UBE2K: variants seen among roughly 807,000 people sequenced by gnomAD.
UBE2K encodes ubiquitin conjugating enzyme E2 K.
UBE2K carries 6 observed loss-of-function variants against 30.0 expected under a neutral mutation model. The ratio of observed to expected loss-of-function variants is 0.20; its 90% CI spans 0.11 to 0.39. The LOEUF is 0.39. UBE2K is among the 10% of genes least tolerant of loss of function. The pLI, the probability that UBE2K is intolerant of heterozygous loss-of-function variation, is 1.00. For synonymous variants in UBE2K, 86 were observed against 83.7 expected (o/e 1.03, Z -0.15); for missense variants, 61 against 241.6 (o/e 0.25, Z 4.96).
intron 1 of UBE2K, among the ~76,000 whole-genome samples, chr4:39,719,925 C>T (rs2109325556): frequency 6.6e-6 from 1 of 152,218 alleles, no homozygotes; most frequent in South Asian, 2.1e-4. Context: ...ACTGAGTGGT[C>T]ATTGAGTGTT....
At chr4:39,732,962 C>T (rs1359239590) in intron 1 of UBE2K, among the ~76,000 whole-genome samples, 5 of 147,412 alleles carry the variant, frequency 3.4e-5, no homozygotes, top group Non-Finnish European at 5.9e-5. Flanking sequence ...AGGGGTGAAA[C>T]ATCCTGCCTG....
In UBE2K at chr4:39,770,061, G is replaced by A. The variant is rs574141639; in HGVS notation, c.300-4773G>A. On this transcript the variant is annotated intron_variant, in intron 4 of 6. Transcript: ENST00000261427. ...ACCTAGCCCAGGGACCCCAGCCTCC[G>A]GGCCTCCACGCCTGCGCGGCTAGCG... 2.6e-6 allele frequency: 4 copies of A among 1,515,332 alleles called. No homozygotes were observed. In the Admixed American group the frequency reaches 5.9e-5, roughly 23 times the overall value. 93.9% of individuals were successfully genotyped at this position (1,515,332 alleles called of 1,614,324 possible).
chr4:39,755,250 C>G (rs1721467729), intron 3 of UBE2K, among the ~76,000 whole-genome samples: 1 of 152,184 alleles, frequency 6.6e-6, no homozygotes, highest in East Asian at 1.9e-4. Flanking sequence ...GTTTTACTTA[C>G]TTTTTTCCTC....
At chr4:39,714,548 A>AATTTTTTTTTTTTTTT in intron 1 of UBE2K, 1 of 24,676 alleles carries the variant, frequency 4.1e-5, no homozygotes, top group Non-Finnish European at 6.3e-5. Context: ...ATATATATAT[A>AATTTTTTTTTTTTTTT]TATTTTTTTT....
intron 1 of UBE2K, among the ~76,000 whole-genome samples, chr4:39,709,223 A>G (rs375937804): frequency 6.6e-6 from 1 of 152,040 alleles, no homozygotes; most frequent in Admixed American, 6.6e-5. Flanking sequence ...AGAATTAGCT[A>G]TGTTTTCATA....
At chr4:39,715,179 C>A (rs974529711) in intron 1 of UBE2K, among the ~76,000 whole-genome samples, 1 of 151,828 alleles carries the variant, frequency 6.6e-6, no homozygotes, top group South Asian at 2.1e-4. Flanking sequence ...GCGCCCGCCA[C>A]CACGCCCGGA....
intron 5 of UBE2K, among the ~76,000 whole-genome samples, chr4:39,776,100 A>G (rs1015338907): frequency 1.3e-5 from 2 of 152,222 alleles, no homozygotes; most frequent in Non-Finnish European, 2.9e-5. Flanking sequence ...AGGTGATGGT[A>G]TCATAGAATG....
intron 1 of UBE2K, among the ~76,000 whole-genome samples, chr4:39,733,427 A>T (rs1377752072): frequency 1.3e-5 from 2 of 148,442 alleles, no homozygotes; most frequent in Non-Finnish European, 3.0e-5. Flanking sequence ...CCACCTCCCA[A>T]GTTCAAGCCA....
At position 39,781,412 on chromosome 4, in the gene UBE2K, A is replaced by G. The variant is rs560783998; in HGVS notation, c.*2978A>G. The G allele has an allele frequency of 5.9e-5, 9 of 152,356 alleles. No homozygotes were observed. The highest frequency in any genetic ancestry group is 2.2e-4 in the African/African-American group (9 of 41,570). 9.4% of individuals were successfully genotyped at this position (152,356 alleles called of 1,614,324 possible). A position where few individuals can be genotyped will look rare whatever the true frequency, so the allele number is the denominator to read the frequency against. ...ATAATTCTTTTTAAGTATCTGTAAG[A>G]AAGAATTGGCAGTTTAAACGGATTT... On this transcript the variant is annotated 3_prime_UTR_variant, in exon 7 of 7. Coordinates refer to ENST00000261427, the MANE Select transcript of UBE2K (RefSeq NM_005339.5).
At chr4:39,727,167 T>C (rs1305357443) in intron 1 of UBE2K, among the ~76,000 whole-genome samples, 7 of 152,234 alleles carry the variant, frequency 4.6e-5, no homozygotes, top group Non-Finnish European at 8.8e-5. Context: ...TAGTTTACTT[T>C]CTAGTCCTTT....
chr4:39,740,727 A>G (rs1239706750), intron 2 of UBE2K, among the ~76,000 whole-genome samples: 11 of 130,392 alleles, frequency 8.4e-5, no homozygotes, highest in Non-Finnish European at 1.5e-4. Context: ...GCCAGGCGTG[A>G]TGGTGGGCGC....
chr4:39,721,859 C>T (rs1005417445), intron 1 of UBE2K, among the ~76,000 whole-genome samples: 2 of 152,016 alleles, frequency 1.3e-5, no homozygotes, highest in African/African-American at 4.8e-5. Context: ...GAGGCTGAGG[C>T]AGGAGGATAA....
At chr4:39,741,680 T>C (rs1720712064) in intron 2 of UBE2K, among the ~76,000 whole-genome samples, 2 of 152,324 alleles carry the variant, frequency 1.3e-5, no homozygotes, top group African/African-American at 4.8e-5. Context: ...TGGATGTTAC[T>C]TAACTCAATT....
intron 1 of UBE2K, among the ~76,000 whole-genome samples, chr4:39,723,248 A>G (rs1479383010): frequency 6.9e-6 from 1 of 145,354 alleles, no homozygotes; most frequent in Non-Finnish European, 1.5e-5. Context: ...ATTTCACTAT[A>G]TTGCCCAGGC....
chr4:39,720,059 A>G (rs1370881078), intron 1 of UBE2K, among the ~76,000 whole-genome samples: 2 of 152,216 alleles, frequency 1.3e-5, no homozygotes, highest in Admixed American at 6.5e-5. Context: ...ATTGCTTAGC[A>G]CCATTGCCTG....
At chr4:39,702,135 T>C (rs975311719) in intron 1 of UBE2K, among the ~76,000 whole-genome samples, 1 of 152,088 alleles carries the variant, frequency 6.6e-6, no homozygotes, top group Admixed American at 6.6e-5. Flanking sequence ...CTTAAATCAG[T>C]GCACTCTCTT....
intron 1 of UBE2K, among the ~76,000 whole-genome samples, chr4:39,733,950 T>A (rs542981626): frequency 6.6e-6 from 1 of 152,234 alleles, no homozygotes; most frequent in African/African-American, 2.4e-5. Context: ...AGTTTTAGAT[T>A]GTGAAATAAC....
intron 1 of UBE2K, among the ~76,000 whole-genome samples, chr4:39,735,662 T>C (rs1720338944): frequency 6.6e-6 from 1 of 152,216 alleles, no homozygotes; most frequent in South Asian, 2.1e-4. Context: ...ATTACAGGCA[T>C]GAGCCACCGC....
chr4:39,708,921 CTTTT>C (rs200755048), intron 1 of UBE2K, among the ~76,000 whole-genome samples: 1 of 138,212 alleles, frequency 7.2e-6, no homozygotes, highest in Non-Finnish European at 1.6e-5. Context: ...TTATTTGTGT[CTTTT>C]TTTTTTTTTT....
Sources: gnomAD v4.1 joint callset for allele counts (sites outside exome capture counted in the v4.1 genomes callset) on GRCh38, gnomAD v4.1.1 for gene constraint, MANE v1.5 for transcripts, NCBI Gene and HGNC (gene_info 2026-07-23, HGNC 2026-07-21) for gene names.